GRM8: variants seen among roughly 807,000 people sequenced by gnomAD.
GRM8 encodes the protein glutamate metabotropic receptor 8.
A neutral mutation model predicts 87.2 loss-of-function variants in GRM8; 47 were observed. That is an observed-to-expected ratio of 0.54 (90% CI 0.43 to 0.69). GRM8 has a LOEUF of 0.69. GRM8 is among the 30% of genes least tolerant of loss of function. GRM8 has a pLI of 0.00. For missense variants in GRM8, 1,019 were observed against 1,139.2 expected (o/e 0.89, Z 1.52); for synonymous variants, 396 against 404.5 (o/e 0.98, Z 0.25).
intron 9 of GRM8, among the ~76,000 whole-genome samples, chr7:126,498,431 G>A (rs375306548): frequency 1.3e-5 from 2 of 151,906 alleles, no homozygotes; most frequent in East Asian, 3.9e-4. Flanking sequence ...ATTAGTGGGG[G>A]CCTCAGAAGA....
At chr7:126,674,029 C>T (rs1806679572) in intron 7 of GRM8, among the ~76,000 whole-genome samples, 1 of 152,176 alleles carries the variant, frequency 6.6e-6, no homozygotes, top group East Asian at 1.9e-4. Flanking sequence ...AAACTGCACT[C>T]CAGTTGAACA....
At chr7:127,245,971 G>A (rs17866909) in intron 1 of GRM8, among the ~76,000 whole-genome samples, 3,321 of 152,160 alleles carry the variant, frequency 0.022, 116 homozygotes, top group African/African-American at 0.075. Flanking sequence ...TTTTCTACTG[G>A]AGCAGAGCAA....
chr7:126,888,053 A>G (rs1800667501), intron 6 of GRM8, among the ~76,000 whole-genome samples: 1 of 152,144 alleles, frequency 6.6e-6, no homozygotes, highest in Non-Finnish European at 1.5e-5. Context: ...AATATGAATT[A>G]TTTGTTTTTC....
At position 126,930,124 on chromosome 7, in the gene GRM8, G is replaced by C. The variant is rs570055063; in HGVS notation, c.728-25441C>G. Among the ~76,000 whole-genome samples the C allele has an allele frequency of 1.3e-4, 20 of 152,280 alleles. No homozygotes were observed. In the South Asian group the frequency reaches 4.1e-3, roughly 32 times the overall value. On this transcript the variant is annotated intron_variant, in intron 3 of 10. Coordinates refer to ENST00000339582, the MANE Select transcript of GRM8 (RefSeq NM_000845.3). ...TCTCATGGAGCAAAGCCCTTACTGAGCTATATTAGATAGGAAGGAGACAAC... is the reference window on the plus strand; with the variant it reads ...TCTCATGGAGCAAAGCCCTTACTGACCTATATTAGATAGGAAGGAGACAAC...
chr7:127,011,976 T>C (rs760209552), intron 3 of GRM8, among the ~76,000 whole-genome samples: 6 of 152,160 alleles, frequency 3.9e-5, no homozygotes, highest in Non-Finnish European at 7.4e-5. Context: ...ATTAATCATT[T>C]CATAACTTAA....
intron 2 of GRM8, among the ~76,000 whole-genome samples, chr7:127,163,217 T>C (rs1044802302): frequency 6.6e-6 from 1 of 152,150 alleles, no homozygotes; most frequent in Admixed American, 6.6e-5. Flanking sequence ...CTGTTTCTGG[T>C]GAGGCCTCAG....
chr7:126,529,108 T>C (rs1814386381), intron 9 of GRM8, among the ~76,000 whole-genome samples: 2 of 152,102 alleles, frequency 1.3e-5, no homozygotes, highest in African/African-American at 2.4e-5. Flanking sequence ...GTAGTCCTAT[T>C]TGAGAATAAG....
intron 6 of GRM8, among the ~76,000 whole-genome samples, chr7:126,882,059 T>C (rs952191309): frequency 6.6e-6 from 1 of 152,196 alleles, no homozygotes; most frequent in African/African-American, 2.4e-5. Context: ...AATTTTATCT[T>C]ACACTAGTGA....
chr7:126,847,329 G>A (rs1168686741), intron 6 of GRM8, among the ~76,000 whole-genome samples: 3 of 152,172 alleles, frequency 2.0e-5, no homozygotes, highest in Non-Finnish European at 4.4e-5. Flanking sequence ...TAGGCAGGTG[G>A]ATGATATACA....
At chr7:127,012,136 T>C (rs966837872) in intron 3 of GRM8, among the ~76,000 whole-genome samples, 2 of 152,164 alleles carry the variant, frequency 1.3e-5, no homozygotes, top group South Asian at 2.1e-4. Context: ...GGGCTAACTC[T>C]GTTTCCTCTG....
Position 126,957,719 on chromosome 7 carries a change from C to T in GRM8, c.728-53036G>A, listed in dbSNP as rs187875424. On this transcript the variant is annotated intron_variant, in intron 3 of 10. Coordinates refer to ENST00000339582, the MANE Select transcript of GRM8 (RefSeq NM_000845.3). ...GCATAGGAGGGAGGCTGGGGGATGG[C>T]GGTGGCTCAGTGTGGGCCTGCAGGC... Among the ~76,000 whole-genome samples, 602 of 152,266 alleles carry T rather than the reference C, an allele frequency of 4.0e-3. 4 individuals carry two copies. The highest frequency in any genetic ancestry group is 0.014 in the African/African-American group (565 of 41,562).
At chr7:126,711,909 A>C (rs1811142451) in intron 7 of GRM8, among the ~76,000 whole-genome samples, 1 of 152,220 alleles carries the variant, frequency 6.6e-6, no homozygotes, top group African/African-American at 2.4e-5. Flanking sequence ...GGTATAAAGG[A>C]ATGTTGTGAC....
chr7:127,103,147 CTTTTGAG>C (rs1825478591), intron 3 of GRM8, among the ~76,000 whole-genome samples: 1 of 152,196 alleles, frequency 6.6e-6, no homozygotes, highest in South Asian at 2.1e-4. Flanking sequence ...CAAGTCTGGA[CTTTTGAG>C]TTAATGCTAC....
intron 2 of GRM8, among the ~76,000 whole-genome samples, chr7:127,179,897 T>C (rs1355964083): frequency 1.3e-5 from 2 of 151,712 alleles, no homozygotes; most frequent in African/African-American, 4.8e-5. Flanking sequence ...ATCAAAAAGA[T>C]TGAAAGAGCA....
chr7:126,529,631 C>T (rs781400379), intron 9 of GRM8, among the ~76,000 whole-genome samples: 3 of 151,966 alleles, frequency 2.0e-5, no homozygotes, highest in South Asian at 2.1e-4. Flanking sequence ...TTGTTTCCAT[C>T]GGATGCTCTA....
intron 8 of GRM8, among the ~76,000 whole-genome samples, chr7:126,534,422 T>C (rs1182310558): frequency 1.3e-5 from 2 of 152,232 alleles, no homozygotes; most frequent in East Asian, 1.9e-4. Context: ...GAGATAACTA[T>C]ATTAATGTGT....
chr7:126,685,248 C>T lies in GRM8; in HGVS notation c.1358-75750G>A, dbSNP rs959180567. On this transcript the variant is annotated intron_variant, in intron 7 of 10. Transcript: ENST00000339582. The surrounding 1 kb of genome is among the most constrained non-coding windows in gnomAD (Gnocchi z 4.2). ...ACCCTGGGGGCCACCATGATGGGGC[C>T]GGGCCAAGTTGCCTACAGGCAGGGG... is the stretch of plus-strand genomic sequence containing the variant. Among the ~76,000 whole-genome samples, 14 of 152,128 alleles carry T rather than the reference C, an allele frequency of 9.2e-5. No homozygotes were observed. The highest frequency in any genetic ancestry group is 4.1e-4 in the South Asian group (2 of 4,834).
chr7:126,477,622 A>C (rs7781235), intron 9 of GRM8, among the ~76,000 whole-genome samples: 70,498 of 143,698 alleles, frequency 0.49, 17,565 homozygotes, highest in Middle Eastern at 0.64. Flanking sequence ...AAAGAAAGAA[A>C]GAAAGAAAGA....
At chr7:126,666,229 T>C (rs1452550913) in intron 7 of GRM8, among the ~76,000 whole-genome samples, 1 of 152,230 alleles carries the variant, frequency 6.6e-6, no homozygotes, top group Admixed American at 6.5e-5. Context: ...CCCTTGGTAC[T>C]GTCCTTTTCA....
Sources: allele counts gnomAD v4.1 joint callset (sites outside exome capture counted in the v4.1 genomes callset), GRCh38; gene constraint gnomAD v4.1.1; non-coding constraint Gnocchi (gnomAD v3.1); transcripts MANE v1.5; gene names NCBI Gene and HGNC (gene_info 2026-07-23, HGNC 2026-07-21).